The following PTPRT variants were observed in gnomAD, a reference collection of about 807,000 sequenced individuals.
PTPRT encodes the protein protein tyrosine phosphatase receptor type T.
A neutral mutation model predicts 176.8 loss-of-function variants in PTPRT; 56 were observed. That is an observed-to-expected ratio of 0.32 (90% CI 0.26 to 0.40). PTPRT has a LOEUF of 0.40. Ranked by LOEUF, PTPRT falls within the 10% of genes least tolerant of loss-of-function variation. The probability of loss-of-function intolerance (pLI) is 1.00; values close to 1 mark genes in which losing one functional copy is unlikely to be tolerated. For synonymous variants in PTPRT, 783 were observed against 739.0 expected (o/e 1.06, Z -0.96); for missense variants, 1,540 against 1,908.2 (o/e 0.81, Z 3.60).
chr20:42,893,551 C>A lies in PTPRT; in HGVS notation c.89-7619G>T, dbSNP rs557124619. ...ACTATAAATCATGCTGCTATAAAGA[C>A]ACATGCACACGTATGTTTATTGCAG... is the stretch of plus-strand genomic sequence containing the variant. On this transcript the variant is annotated intron_variant, in intron 1 of 30. Coordinates refer to ENST00000373187, the MANE Select transcript of PTPRT (RefSeq NM_007050.6). Among the ~76,000 whole-genome samples, 386 of 151,978 alleles carry A rather than the reference C, an allele frequency of 2.5e-3. 1 individual carries two copies. Among genetic ancestry groups the A allele is most frequent in the African/African-American group, 8.9e-3 (367 of 41,358 alleles).
intron 18 of PTPRT, among the ~76,000 whole-genome samples, chr20:42,140,111 G>A (rs915398725): frequency 6.6e-6 from 1 of 152,142 alleles, no homozygotes; most frequent in Non-Finnish European, 1.5e-5. Context: ...CAATCTGCCT[G>A]TATCTTACTC....
intron 6 of PTPRT, among the ~76,000 whole-genome samples, chr20:42,723,909 C>T (rs539584828): frequency 5.5e-4 from 84 of 152,298 alleles, no homozygotes; most frequent in African/African-American, 2.0e-3. Flanking sequence ...TATCACTGGG[C>T]TTGGATCCAG....
intron 7 of PTPRT, among the ~76,000 whole-genome samples, chr20:42,488,602 A>C (rs1331792070): frequency 1.3e-5 from 2 of 152,066 alleles, no homozygotes; most frequent in South Asian, 4.2e-4. Flanking sequence ...AATTCTTTGT[A>C]TATTCTAGGG....
chr20:43,062,253 T>C (rs1600683999), intron 1 of PTPRT, among the ~76,000 whole-genome samples: 1 of 152,352 alleles, frequency 6.6e-6, no homozygotes, highest in African/African-American at 2.4e-5. Context: ...AGCTGATATG[T>C]TTATGCAAAA....
intron 7 of PTPRT, among the ~76,000 whole-genome samples, chr20:42,606,208 C>T (rs1449395221): frequency 6.6e-6 from 1 of 151,592 alleles, no homozygotes; most frequent in African/African-American, 2.4e-5. Flanking sequence ...GGACCCCTTC[C>T]ACCCCAAGAT....
At chr20:42,071,649 A>T (rs1395408104), downstream of PTPRT, among the ~76,000 whole-genome samples, 3 of 151,838 alleles carry the variant, frequency 2.0e-5, no homozygotes, top group East Asian at 5.8e-4. Flanking sequence ...GCAGTGTTTT[A>T]TTTTATTTTA....
intron 1 of PTPRT, among the ~76,000 whole-genome samples, chr20:43,173,482 G>A (rs937151642): frequency 7.2e-5 from 11 of 152,166 alleles, no homozygotes; most frequent in South Asian, 2.1e-4. Context: ...CCTTGGCTTC[G>A]AACTCTTATT....
intron 6 of PTPRT, among the ~76,000 whole-genome samples, chr20:42,747,755 G>A (rs945780589): frequency 6.6e-6 from 1 of 152,200 alleles, no homozygotes; most frequent in Non-Finnish European, 1.5e-5. Flanking sequence ...AAGAGAATAA[G>A]AGGGCAAATA....
intron 14 of PTPRT, among the ~76,000 whole-genome samples, chr20:42,242,390 G>A (rs1001403599): frequency 3.9e-5 from 6 of 152,222 alleles, no homozygotes; most frequent in African/African-American, 1.4e-4. Flanking sequence ...TGGAGATGAA[G>A]ATGAATCAGA....
intron 7 of PTPRT, among the ~76,000 whole-genome samples, chr20:42,585,697 AATC>A (rs1163743347): frequency 6.6e-6 from 1 of 152,146 alleles, no homozygotes. Flanking sequence ...CTATGAAATC[AATC>A]ATCTCCTGTA....
At chr20:42,871,657 T>C (rs2078848590) in intron 2 of PTPRT, among the ~76,000 whole-genome samples, 1 of 152,106 alleles carries the variant, frequency 6.6e-6, no homozygotes, top group African/African-American at 2.4e-5. Flanking sequence ...AATTTTTGTG[T>C]ATGGTGTAAG....
chr20:43,141,854 G>T (rs6072997), intron 1 of PTPRT, among the ~76,000 whole-genome samples: 1 of 152,020 alleles, frequency 6.6e-6, no homozygotes, highest in Non-Finnish European at 1.5e-5. Context: ...GAGACTTCTA[G>T]TGCCCGTGGT....
intron 6 of PTPRT, among the ~76,000 whole-genome samples, chr20:42,719,866 C>T (rs1165172830): frequency 6.6e-6 from 1 of 152,150 alleles, no homozygotes. Flanking sequence ...GCCACTCTGA[C>T]ACAGGGTAAG....
chr20:42,939,546 A>C (rs796867940), intron 1 of PTPRT, among the ~76,000 whole-genome samples: 3 of 152,252 alleles, frequency 2.0e-5, no homozygotes, highest in African/African-American at 7.2e-5. Flanking sequence ...GTGTTGAGAC[A>C]CTGTTTTTTC....
intron 9 of PTPRT, among the ~76,000 whole-genome samples, chr20:42,400,461 T>C (rs2058893864): frequency 6.6e-6 from 1 of 152,142 alleles, no homozygotes; most frequent in South Asian, 2.1e-4. Context: ...GACTTCTACA[T>C]TTGTGAGCAA....
chr20:42,065,531 G>A, the PTPRT span, among the ~76,000 whole-genome samples: 25 of 152,332 alleles, frequency 1.6e-4, no homozygotes, highest in African/African-American at 3.4e-4. Flanking sequence ...ACTATACTCC[G>A]TGTGGTGATT....
chr20:43,071,179 C>T (rs1026540788), intron 1 of PTPRT, among the ~76,000 whole-genome samples: 2 of 152,104 alleles, frequency 1.3e-5, no homozygotes, highest in Admixed American at 6.5e-5. Flanking sequence ...CCTTGCGGAG[C>T]TCCTATCCCT....
intron 8 of PTPRT, among the ~76,000 whole-genome samples, chr20:42,450,204 T>C (rs543464374): frequency 2.0e-5 from 3 of 152,348 alleles, no homozygotes; most frequent in South Asian, 2.1e-4. Flanking sequence ...TATAGGTAAG[T>C]ATGCATGCAA....
intron 11 of PTPRT, among the ~76,000 whole-genome samples, chr20:42,331,020 G>T (rs2057957747): frequency 6.6e-6 from 1 of 152,180 alleles, no homozygotes; most frequent in African/African-American, 2.4e-5. Context: ...TGGAAAGCTT[G>T]CTGGTTTTTG....
Sources: allele counts gnomAD v4.1 joint callset (sites outside exome capture counted in the v4.1 genomes callset), GRCh38; gene constraint gnomAD v4.1.1; transcripts MANE v1.5; gene names NCBI Gene and HGNC (gene_info 2026-07-23, HGNC 2026-07-21).